LAMA3: variants seen among roughly 807,000 people sequenced by gnomAD.
LAMA3 encodes the protein laminin subunit alpha 3.
In LAMA3, 281 loss-of-function variants were observed where a neutral mutation model predicts 402.0. The ratio of observed to expected loss-of-function variants is 0.70; its 90% CI spans 0.63 to 0.77. The LOEUF (loss-of-function observed/expected upper bound fraction) is 0.77. Ranked by LOEUF, LAMA3 falls within the 30% of genes least tolerant of loss-of-function variation. LAMA3 has a pLI of 0.00. For missense variants in LAMA3, 3,840 were observed against 4,215.5 expected (o/e 0.91, Z 2.47); for synonymous variants, 1,431 against 1,558.4 (o/e 0.92, Z 1.93).
intron 2 of LAMA3, among the ~76,000 whole-genome samples, chr18:23,732,889 A>C (rs1021949254): frequency 2.0e-5 from 3 of 152,218 alleles, no homozygotes; most frequent in Admixed American, 1.3e-4. Flanking sequence ...AATCCTCAAC[A>C]AGTGCTAGTT....
intron 2 of LAMA3, among the ~76,000 whole-genome samples, chr18:23,716,433 A>G (rs967282344): frequency 4.7e-4 from 72 of 152,316 alleles, no homozygotes; most frequent in African/African-American, 1.7e-3. Flanking sequence ...TACTAAGATT[A>G]CAGGCGTAAG....
At position 23,929,576 on chromosome 18, in the gene LAMA3, C is replaced by T. The variant is rs552813923; in HGVS notation, c.8436+811C>T. 3.4e-3 allele frequency among the ~76,000 whole-genome samples: 514 copies of T among 151,742 alleles called. 6 individuals carry two copies. Among genetic ancestry groups the T allele is most frequent in the African/African-American group, 0.012 (492 of 41,372 alleles). On this transcript the variant is annotated intron_variant, in intron 64 of 74. Transcript: ENST00000313654. ...CTCTGTAATACTAGGAAGGCCGCCC[C>T]TCTCTTGGTGGCTGACTCTGTGGCT...
In LAMA3 at chr18:23,904,078, A is replaced by C; in HGVS notation, c.6464A>C (p.Gln2155Pro). The change falls in exon 50 of 75, where the codon CAG becomes CCG. Residue 2155 changes from glutamine (Q) to proline (P), a missense_variant. Coordinates refer to ENST00000313654, the MANE Select transcript of LAMA3 (RefSeq NM_198129.4). The part of the protein sequence containing the change: ...HARSLQELAK[Q>P]LEEIKRNASG... ...CGGTCCTTACAAGAGCTGGCAAAGC[A>C]GCTGGAAGAGTGAGTGCATGGCCCA... 2 of 1,613,664 alleles carry C rather than the reference A, an allele frequency of 1.2e-6. No homozygotes were observed. The highest frequency in any genetic ancestry group is 1.8e-4 in the Middle Eastern group (1 of 5,614).
In LAMA3 at chr18:23,836,395, A is replaced by G. The variant is rs114426016; in HGVS notation, c.2985-586A>G. On this transcript the variant is annotated intron_variant, in intron 24 of 74. Transcript: ENST00000313654. ...CATTACTCAAAAAGTACCTCCTCTA[A>G]GGGTTTTAACGTTAGAGTTATTTGG... Among the ~76,000 whole-genome samples, 875 of 152,308 alleles carry G rather than the reference A, an allele frequency of 5.7e-3. 8 individuals carry two copies. The highest frequency in any genetic ancestry group is 0.02 in the African/African-American group (813 of 41,562).
In LAMA3 at chr18:23,746,453, A is replaced by G. The variant is rs563662498; in HGVS notation, c.448-1490A>G. Among the ~76,000 whole-genome samples, 5 of 152,270 alleles carry G rather than the reference A, an allele frequency of 3.3e-5. No individual in the cohort carries two copies. In the South Asian group the frequency reaches 1.0e-3, roughly 32 times the overall value. ...GATCTATGTGAGGCCAGATCTTCAA[A>G]TACTTCAGCCAAACAACATATCACA... On this transcript the variant is annotated intron_variant, in intron 2 of 74. Coordinates refer to ENST00000313654, the MANE Select transcript of LAMA3 (RefSeq NM_198129.4).
intron 7 of LAMA3, among the ~76,000 whole-genome samples, chr18:23,760,352 A>G (rs1287322730): frequency 6.6e-6 from 1 of 152,198 alleles, no homozygotes; most frequent in Admixed American, 6.5e-5. Context: ...ATTTTTTAAA[A>G]TCATGGCACC....
chr18:23,751,305 G>A (rs1430608924), intron 5 of LAMA3, among the ~76,000 whole-genome samples: 2 of 152,076 alleles, frequency 1.3e-5, no homozygotes, highest in Non-Finnish European at 2.9e-5. Flanking sequence ...CAAAGAAGAT[G>A]AAAGGCAAAT....
rs1040319298 is a variant in LAMA3, at chr18:23,901,311, G to A, written c.6189G>A (p.Leu2063=). Residue 2063 remains leucine, a synonymous_variant, in exon 48 of 75, where the codon TTG becomes TTA. Transcript: ENST00000313654. ...NGLNQENERA[L]GAIQRQVKEI... is the part of the protein sequence containing the mutation. Reference sequence around the variant, plus strand: ...TGAACCAAGAAAACGAGAGAGCTTTGGGAGCCATTCAGGTGAGTTCACAGT... The same window carrying A: ...TGAACCAAGAAAACGAGAGAGCTTTAGGAGCCATTCAGGTGAGTTCACAGT... 1 of 1,613,952 alleles carries A rather than the reference G, an allele frequency of 6.2e-7. No homozygotes were observed. Among genetic ancestry groups the A allele is most frequent in the African/African-American group, 1.3e-5 (1 of 75,034 alleles).
chr18:23,881,657 C>T (rs1383437405), intron 39 of LAMA3, among the ~76,000 whole-genome samples: 7 of 152,108 alleles, frequency 4.6e-5, no homozygotes, highest in Admixed American at 4.6e-4. Flanking sequence ...GGCTCCGTGG[C>T]CTTGAGATGC....
At chr18:23,904,531 G>C (rs781120982) in intron 50 of LAMA3, 22 bp from the exon 51 acceptor site, 52 of 1,575,856 alleles carry the variant, frequency 3.3e-5, no homozygotes, top group Non-Finnish European at 4.1e-5. Flanking sequence ...GTGGGGAGTG[G>C]CTAACCTGCC....
chr18:23,831,968 T>C (rs1941515), intron 23 of LAMA3, among the ~76,000 whole-genome samples: 121,471 of 152,142 alleles, frequency 0.8, 49,243 homozygotes, highest in African/African-American at 0.95. Flanking sequence ...TAAATAATCA[T>C]AACAGCAAGC....
At chr18:23,917,623 T>G (rs571217713) in intron 60 of LAMA3, among the ~76,000 whole-genome samples, 1 of 152,238 alleles carries the variant, frequency 6.6e-6, no homozygotes, top group Non-Finnish European at 1.5e-5. Flanking sequence ...ATTAGTGATA[T>G]TGAGCATTTT....
At chr18:23,777,040 A>G (rs1038830891) in intron 10 of LAMA3, among the ~76,000 whole-genome samples, 1 of 151,816 alleles carries the variant, frequency 6.6e-6, no homozygotes, top group African/African-American at 2.4e-5. Flanking sequence ...GGGTTTCTCT[A>G]TGTTGGTCAG....
Position 23,943,707 on chromosome 18 carries a change from T to TC in LAMA3, c.9027-77dup, listed in dbSNP as rs1376142508. On this transcript the variant is annotated intron_variant, in intron 68 of 74. Transcript: ENST00000313654. ...TGAAAAATGGGGGTTGGGTGTTTGC[T>TC]CCCCACCCTCTGTCTCAGTGCTGAG... 9 of 1,325,098 alleles carry TC rather than the reference T, an allele frequency of 6.8e-6. No homozygotes were observed. The East Asian group carries it at 2.1e-4, about 30-fold the overall frequency. The allele number at this position is 1,325,098 out of a possible 1,614,324, so 82.1% of individuals were successfully genotyped here.
intron 40 of LAMA3, among the ~76,000 whole-genome samples, chr18:23,883,477 A>G (rs566014479): frequency 3.3e-5 from 5 of 152,362 alleles, no homozygotes; most frequent in South Asian, 2.1e-4. Context: ...TCACTAGTAC[A>G]TAGACTCAGA....
chr18:23,726,446 C>T (rs1337752440), intron 2 of LAMA3, among the ~76,000 whole-genome samples: 4 of 152,144 alleles, frequency 2.6e-5, no homozygotes, highest in Non-Finnish European at 4.4e-5. Context: ...GAAGGCATTG[C>T]ACCCGCACTG....
chr18:23,944,801 T>C (rs1224971847), intron 69 of LAMA3, among the ~76,000 whole-genome samples: 5 of 152,196 alleles, frequency 3.3e-5, no homozygotes, highest in Admixed American at 1.3e-4. Flanking sequence ...GCTCCGACTT[T>C]GGACTTTATT....
intron 2 of LAMA3, among the ~76,000 whole-genome samples, chr18:23,715,691 A>G (rs2061085444): frequency 6.6e-6 from 1 of 152,214 alleles, no homozygotes; most frequent in Non-Finnish European, 1.5e-5. Flanking sequence ...CTATTATTAG[A>G]ACATTTTCAT....
intron 72 of LAMA3, among the ~76,000 whole-genome samples, chr18:23,951,354 G>A (rs542684270): frequency 6.6e-6 from 1 of 151,690 alleles, no homozygotes; most frequent in African/African-American, 2.4e-5. Context: ...CCACTGTCAC[G>A]CATTAATTGC....
Sources: allele counts gnomAD v4.1 joint callset (sites outside exome capture counted in the v4.1 genomes callset), GRCh38; gene constraint gnomAD v4.1.1; transcripts MANE v1.5; gene names NCBI Gene and HGNC (gene_info 2026-07-23, HGNC 2026-07-21).